The following ZNF618 variants were observed in gnomAD, a reference collection of about 807,000 sequenced individuals.
ZNF618 encodes zinc finger protein 618, also known as neural precursor cell expressed, developmentally down-regulated 10.
In ZNF618, 34 loss-of-function variants were observed where a neutral mutation model predicts 103.0. That is an observed-to-expected ratio of 0.33 (90% CI 0.25 to 0.44). The LOEUF is 0.44. ZNF618 is among the 20% of genes least tolerant of loss of function. The pLI is 1.00. For synonymous variants in ZNF618, 551 were observed against 542.2 expected, an observed-to-expected ratio of 1.02 and a Z score of -0.23; for missense variants, 1,059 against 1,295.4, an observed-to-expected ratio of 0.82 and a Z score of 2.80.
chr9:114,050,032 C>T lies in ZNF618; in HGVS notation c.2730C>T (p.Leu910=), dbSNP rs1564353581. 1.2e-6 allele frequency: 2 copies of T among 1,613,792 alleles called. No homozygotes were observed. Among genetic ancestry groups the T allele is most frequent in the Non-Finnish European group, 1.7e-6 (2 of 1,179,898 alleles). Residue 910 remains leucine (L), a synonymous_variant, in exon 15 of 15, where the codon CTC becomes CTT. Transcript: ENST00000374126. The part of the protein sequence containing the change: ...HTKLAKLAFW[L]LAVPAVGARS... The stretch of plus-strand genomic sequence containing the variant: ...AACTCGCCAAGCTCGCCTTCTGGCT[C>T]CTGGCGGTTCCGGCCGTGGGCGCCA...
intron 1 of ZNF618, among the ~76,000 whole-genome samples, chr9:113,941,261 T>C (rs1834525783): frequency 6.6e-6 from 1 of 152,192 alleles, no homozygotes; most frequent in Non-Finnish European, 1.5e-5. Context: ...TCTCCTTCCA[T>C]AGTTTGTTTT....
intron 1 of ZNF618, among the ~76,000 whole-genome samples, chr9:113,934,953 C>T (rs73554470): frequency 8.4e-4 from 128 of 152,290 alleles, no homozygotes; most frequent in African/African-American, 2.8e-3. Flanking sequence ...TGAGGAGGGG[C>T]GTGGGGCTCA....
At position 114,016,711 on chromosome 9, in the gene ZNF618, C is replaced by T. The variant is rs776866314; in HGVS notation, c.771C>T (p.Thr257=). Residue 257 remains threonine (T), a synonymous_variant, in exon 10 of 15, where the codon ACC becomes ACT. Transcript: ENST00000374126. ...QKIGPKTGNY[T]CEFCGKQYKY... is the part of the protein sequence containing the mutation. The stretch of plus-strand genomic sequence containing the variant: ...CCTGGACAGAAACTGGCAATTACAC[C>T]TGTGAATTCTGCGGCAAACAGTACA... 1 of 1,613,630 alleles carries T rather than the reference C, an allele frequency of 6.2e-7. No homozygotes were observed. The highest frequency in any genetic ancestry group is 8.5e-7 in the Non-Finnish European group (1 of 1,179,786).
intron 1 of ZNF618, among the ~76,000 whole-genome samples, chr9:113,941,837 CT>C (rs1834581979): frequency 6.6e-6 from 1 of 152,164 alleles, no homozygotes; most frequent in Non-Finnish European, 1.5e-5. Flanking sequence ...TTGTACTGTT[CT>C]TTTCTCTGCC....
In ZNF618 at chr9:113,928,622, A is replaced by G. The variant is rs146765509; in HGVS notation, c.34-40495A>G. ...GTAGCTGGAGATGCCAGAAGCTTCAATTTCCTCTTTTCTTTGTTTTTTGTT... is the reference window on the plus strand; with the variant it reads ...GTAGCTGGAGATGCCAGAAGCTTCAGTTTCCTCTTTTCTTTGTTTTTTGTT... On this transcript the variant is annotated intron_variant, in intron 1 of 14. Transcript: ENST00000374126. Among the ~76,000 whole-genome samples, 1,008 of 152,174 alleles carry G rather than the reference A, an allele frequency of 6.6e-3. 10 individuals are homozygous for G. The highest frequency in any genetic ancestry group is 7.1e-3 in the Non-Finnish European group (480 of 68,006).
At chr9:114,006,937 AG>A (rs1047533130) in intron 6 of ZNF618, among the ~76,000 whole-genome samples, 1 of 152,202 alleles carries the variant, frequency 6.6e-6, no homozygotes, top group Non-Finnish European at 1.5e-5. Context: ...AGCAGCCAGC[AG>A]GTGTGACCTG....
intron 1 of ZNF618, among the ~76,000 whole-genome samples, chr9:113,956,640 C>T (rs750271515): frequency 6.6e-6 from 1 of 152,122 alleles, no homozygotes; most frequent in Non-Finnish European, 1.5e-5. Context: ...AGCAAGGCTG[C>T]AGAGTGGCGA....
At chr9:113,909,488 T>A (rs1831306059) in intron 1 of ZNF618, among the ~76,000 whole-genome samples, 1 of 152,172 alleles carries the variant, frequency 6.6e-6, no homozygotes, top group Non-Finnish European at 1.5e-5. Context: ...AACTTGGGTC[T>A]GTCAGGGCTC....
chr9:114,015,232 T>G lies in ZNF618; in HGVS notation c.755-1463T>G, dbSNP rs1485530663. ...GACTAATAAACCAATTAAGAACAAA[T>G]TAATTTTAACACATATAACAAAATG... is the stretch of plus-strand genomic sequence containing the variant. On this transcript the variant is annotated intron_variant, in intron 9 of 14. Coordinates refer to ENST00000374126, the MANE Select transcript of ZNF618 (RefSeq NM_001318042.2). 2.6e-5 allele frequency among the ~76,000 whole-genome samples: 4 copies of G among 152,112 alleles called. No homozygotes were observed. In the East Asian group the frequency reaches 7.7e-4, roughly 29 times the overall value.
intron 1 of ZNF618, among the ~76,000 whole-genome samples, chr9:113,949,740 TGTAA>T (rs1484006883): frequency 6.6e-6 from 1 of 152,226 alleles, no homozygotes. Flanking sequence ...CCCGCCGATG[TGTAA>T]GTGTGTCACT....
intron 1 of ZNF618, 67 bp from the exon 2 acceptor site, chr9:113,969,050 G>A (rs1018079997): frequency 2.6e-6 from 4 of 1,568,474 alleles, no homozygotes; most frequent in African/African-American, 2.7e-5. Flanking sequence ...AGCTTGATGG[G>A]GTGGCAGCAG....
chr9:113,996,031 T>C (rs814702), intron 3 of ZNF618, among the ~76,000 whole-genome samples: 145,598 of 152,242 alleles, frequency 0.96, 69,691 homozygotes, highest in East Asian at 1. Context: ...CTTAAGGCTG[T>C]GTGGACCTAC....
At chr9:113,899,380 G>A (rs1316709393) in intron 1 of ZNF618, among the ~76,000 whole-genome samples, 1 of 152,116 alleles carries the variant, frequency 6.6e-6, no homozygotes, top group African/African-American at 2.4e-5. Context: ...CAGCCTCCAG[G>A]CTGCAGACCA....
At chr9:113,880,495 C>T (rs770240764) in intron 1 of ZNF618, among the ~76,000 whole-genome samples, 2 of 152,170 alleles carry the variant, frequency 1.3e-5, no homozygotes, top group Non-Finnish European at 2.9e-5. Context: ...GGCCATATCC[C>T]GACTCCCATA....
chr9:113,966,776 A>T (rs1837444364), intron 1 of ZNF618, among the ~76,000 whole-genome samples: 1 of 152,086 alleles, frequency 6.6e-6, no homozygotes. Context: ...AACATCCCAC[A>T]CCCTGCCCAG....
At chr9:113,900,348 C>A (rs1830407559) in intron 1 of ZNF618, among the ~76,000 whole-genome samples, 1 of 152,178 alleles carries the variant, frequency 6.6e-6, no homozygotes, top group South Asian at 2.1e-4. Flanking sequence ...AGGCGTGAGC[C>A]ACCATGCCTG....
intron 1 of ZNF618, among the ~76,000 whole-genome samples, chr9:113,954,509 G>A (rs1836069263): frequency 6.6e-6 from 1 of 152,190 alleles, no homozygotes; most frequent in Admixed American, 6.5e-5. Context: ...TGATTCCACT[G>A]GATAGTGCAG....
At chr9:114,019,476 A>G (rs555948158) in intron 10 of ZNF618, among the ~76,000 whole-genome samples, 30 of 152,314 alleles carry the variant, frequency 2.0e-4, no homozygotes, top group Non-Finnish European at 2.9e-4. Context: ...TGTGAGTTCC[A>G]CTTGCTCCAT....
intron 12 of ZNF618, 38 bp from the exon 13 acceptor site, chr9:114,036,262 T>C: frequency 6.4e-7 from 1 of 1,550,492 alleles, no homozygotes; most frequent in Non-Finnish European, 8.7e-7. Flanking sequence ...TCTGCGTCGG[T>C]TCCACCCCTC....
Sources: gnomAD v4.1 joint callset for allele counts (sites outside exome capture counted in the v4.1 genomes callset) on GRCh38, gnomAD v4.1.1 for gene constraint, MANE v1.5 for transcripts, NCBI Gene and HGNC (gene_info 2026-07-23, HGNC 2026-07-21) for gene names.